Variants in TRAM1 observed in about 807,000 individuals in gnomAD.
TRAM1 encodes the protein translocation associated membrane protein 1, also known as translocating chain-associated membrane protein 1.
TRAM1 carries 17 observed loss-of-function variants against 48.7 expected under a neutral mutation model. That is an observed-to-expected ratio of 0.35 (90% CI 0.24 to 0.52). The LOEUF (loss-of-function observed/expected upper bound fraction) is 0.52, where lower values mean the gene tolerates loss of function less well. Ranked by LOEUF, TRAM1 falls within the 20% of genes least tolerant of loss-of-function variation. The pLI, the probability that TRAM1 is intolerant of heterozygous loss-of-function variation, is 0.94. For synonymous variants in TRAM1, 182 were observed against 154.0 expected (o/e 1.18, Z -1.34); for missense variants, 351 against 441.5 (o/e 0.79, Z 1.84).
At chr8:70,587,323 G>A in intron 6 of TRAM1, 147 bp from the exon 7 acceptor site, 6 of 677,898 alleles carry the variant, frequency 8.9e-6, no homozygotes. Flanking sequence ...AAAGGGTTAG[G>A]ATTTCAGGCG....
Position 70,583,190 on chromosome 8 carries a change from T to G in TRAM1, c.1025A>C (p.Lys342Thr). ...PAVKKKPTVT[K>T]GRSSKKGTEN... ...TGTTCCTTTTTTAGAAGATCTGCCT[T>G]TAGTTACTGTTGGTTTCTTCTTCAC... The change falls in exon 10 of 11, where the codon AAA (lysine) becomes ACA (threonine). Residue 342 changes from lysine (K) to threonine (T), a missense_variant. By Grantham distance (78) the Lys-to-Thr change is moderately conservative (BLOSUM62 -1). Coordinates refer to ENST00000262213, the MANE Select transcript of TRAM1 (RefSeq NM_014294.6). 1 of 1,613,990 alleles carries G rather than the reference T, an allele frequency of 6.2e-7. No homozygotes were observed. The highest frequency in any genetic ancestry group is 8.5e-7 in the Non-Finnish European group (1 of 1,179,976).
In TRAM1 at chr8:70,574,379, C is replaced by T. The variant is rs749390977; in HGVS notation, c.*553G>A. 9 of 254,094 alleles carry T rather than the reference C, an allele frequency of 3.5e-5. No homozygotes were observed. The Middle Eastern group carries it at 1.3e-3, about 36-fold the overall frequency. The allele number at this position is 254,094 out of a possible 1,614,324, so 15.7% of individuals were successfully genotyped here. A position where few individuals can be genotyped will look rare whatever the true frequency, so the allele number is the denominator to read the frequency against. On this transcript the variant is annotated 3_prime_UTR_variant, in exon 11 of 11. Transcript: ENST00000262213. The stretch of plus-strand genomic sequence containing the variant: ...AAAATGGGGATGTAATACTAATAAC[C>T]ACTACCTATAAAATAAAGCACACAA...
intron 6 of TRAM1, among the ~76,000 whole-genome samples, chr8:70,593,665 G>A (rs1817417976): frequency 6.6e-6 from 1 of 151,672 alleles, no homozygotes; most frequent in Non-Finnish European, 1.5e-5. Context: ...CGAGGGAAGA[G>A]GTGTTCCAGG....
At chr8:70,588,606 A>G (rs943760624) in intron 6 of TRAM1, among the ~76,000 whole-genome samples, 2 of 152,166 alleles carry the variant, frequency 1.3e-5, no homozygotes, top group Admixed American at 1.3e-4. Flanking sequence ...AAAAAAAGAA[A>G]AAGAAAATGC....
At chr8:70,579,050 A>C (rs994898581) in intron 10 of TRAM1, among the ~76,000 whole-genome samples, 2 of 152,244 alleles carry the variant, frequency 1.3e-5, no homozygotes, top group Non-Finnish European at 2.9e-5. Context: ...TTTATAAATA[A>C]AACTTTATCA....
chr8:70,596,960 T>C (rs545205335), intron 4 of TRAM1, among the ~76,000 whole-genome samples: 21 of 152,150 alleles, frequency 1.4e-4, no homozygotes, highest in Admixed American at 4.6e-4. Context: ...ATATTACCTA[T>C]AAAGTATTAT....
At chr8:70,578,669 G>A (rs572455204) in intron 10 of TRAM1, among the ~76,000 whole-genome samples, 1 of 152,130 alleles carries the variant, frequency 6.6e-6, no homozygotes, top group Non-Finnish European at 1.5e-5. Context: ...GGGCTTAGTT[G>A]GTGAACACTT....
At chr8:70,607,099 G>C (rs1817736177) in intron 1 of TRAM1, 4 of 962,448 alleles carry the variant, frequency 4.2e-6, no homozygotes, top group Non-Finnish European at 4.9e-6. Context: ...AGACATAAAG[G>C]CTCCAGAGAA....
In TRAM1 at chr8:70,574,538, A is replaced by AACTT. The variant is rs535198252; in HGVS notation, c.*390_*393dup. The AACTT allele has an allele frequency of 2.3e-3, 441 of 195,344 alleles. 4 individuals carry two copies. Among genetic ancestry groups the AACTT allele is most frequent in the African/African-American group, 9.1e-3 (381 of 41,860 alleles). 12.1% of individuals were successfully genotyped at this position (195,344 alleles called of 1,614,324 possible). A position where few individuals can be genotyped will look rare whatever the true frequency, so the allele number is the denominator to read the frequency against. Reference sequence around the variant, plus strand: ...GTATTTCCATGTTACCCTGAAAGATAACTTAAAAAATATGGCCTTCTTAGA... The same window carrying AACTT: ...GTATTTCCATGTTACCCTGAAAGATAACTTACTTAAAAAATATGGCCTTCTTAGA... On this transcript the variant is annotated 3_prime_UTR_variant, in exon 11 of 11. Transcript: ENST00000262213.
chr8:70,608,004 G>A, intron 1 of TRAM1, 73 bp downstream of exon 1: 1 of 1,465,088 alleles, frequency 6.8e-7, no homozygotes, highest in Non-Finnish European at 9.0e-7. Context: ...CGGAGAAGCC[G>A]GGGCTGGCAT....
intron 2 of TRAM1, among the ~76,000 whole-genome samples, chr8:70,599,130 C>T (rs1485085810): frequency 6.6e-6 from 1 of 152,038 alleles, no homozygotes; most frequent in Non-Finnish European, 1.5e-5. Flanking sequence ...TGGTGGTGTG[C>T]CCTTGTAGTC....
intron 6 of TRAM1, among the ~76,000 whole-genome samples, chr8:70,592,454 G>C (rs1274533385): frequency 6.6e-6 from 1 of 152,150 alleles, no homozygotes. Context: ...TTAATTACTT[G>C]AAACAGTTAC....
chr8:70,576,576 T>C (rs940693242), intron 10 of TRAM1, among the ~76,000 whole-genome samples: 9 of 152,236 alleles, frequency 5.9e-5, no homozygotes, highest in African/African-American at 1.7e-4. Flanking sequence ...AGTATTATCT[T>C]TTTTTTCTTC....
chr8:70,583,337 A>G lies in TRAM1; in HGVS notation c.891-13T>C. On this transcript the variant is annotated splice_polypyrimidine_tract_variant and intron_variant, in intron 9 of 10. Transcript: ENST00000262213. Reference sequence around the variant, plus strand: ...CAGAACAGCGATTCTAAGAAATATTAAGACATAAAAAGTTAGTGTATAAAA... The same window carrying G: ...CAGAACAGCGATTCTAAGAAATATTGAGACATAAAAAGTTAGTGTATAAAA... 6.2e-7 allele frequency: 1 copy of G among 1,608,612 alleles called. No individual in the cohort carries two copies. The highest frequency in any genetic ancestry group is 8.5e-7 in the Non-Finnish European group (1 of 1,177,064).
chr8:70,602,200 AAGTCATCAGTGGTCAC>A (rs1366503838), intron 1 of TRAM1, among the ~76,000 whole-genome samples: 1 of 152,248 alleles, frequency 6.6e-6, no homozygotes, highest in East Asian at 1.9e-4. Flanking sequence ...ACAATTTAAG[AAGTCATCAGTGGTCAC>A]AGCTTGAGTG....
intron 10 of TRAM1, among the ~76,000 whole-genome samples, chr8:70,576,069 T>TAAAAA (rs1391722559): frequency 1.1e-3 from 45 of 40,140 alleles, no homozygotes; most frequent in African/African-American, 3.5e-3. Flanking sequence ...AGACTCCATC[T>TAAAAA]AAAAAAAAAA....
intron 8 of TRAM1, 47 bp downstream of exon 8, chr8:70,586,848 A>G (rs750587436): frequency 2.7e-6 from 4 of 1,507,998 alleles, no homozygotes; most frequent in Non-Finnish European, 2.8e-6. Context: ...TTAGGCACTG[A>G]CTTTAAATAC....
chr8:70,589,682 C>T (rs1187898022), intron 6 of TRAM1, among the ~76,000 whole-genome samples: 5 of 152,034 alleles, frequency 3.3e-5, no homozygotes, highest in South Asian at 2.1e-4. Context: ...TAAAAAAATA[C>T]AAAAAATTAG....
chr8:70,583,169 C>A lies in TRAM1; in HGVS notation c.1046G>T (p.Gly349Val), dbSNP rs1817117530. ...ATTGCTTACTGAATACAAACCTGTT[C>A]CTTTTTTAGAAGATCTGCCTTTAGT... ...TVTKGRSSKK[G>V]TENGVNGTLT... The change falls in exon 10 of 11, where the codon GGA (glycine) becomes GTA (valine). Residue 349 changes from glycine to valine, a missense_variant. Gly to Val is a moderately radical substitution (Grantham distance 109). Coordinates refer to ENST00000262213, the MANE Select transcript of TRAM1 (RefSeq NM_014294.6). 6 of 1,612,898 alleles carry A rather than the reference C, an allele frequency of 3.7e-6. No individual in the cohort carries two copies. The South Asian group carries it at 6.6e-5, about 18-fold the overall frequency.
Sources: gnomAD v4.1 joint callset for allele counts (sites outside exome capture counted in the v4.1 genomes callset) on GRCh38, gnomAD v4.1.1 for gene constraint, MANE v1.5 for transcripts, NCBI Gene and HGNC (gene_info 2026-07-23, HGNC 2026-07-21) for gene names.